The following THADA variants were observed in gnomAD, a reference collection of about 807,000 sequenced individuals.
The protein encoded by THADA is THADA armadillo repeat containing.
A neutral mutation model predicts 219.8 loss-of-function variants in THADA; 213 were observed. That is an observed-to-expected ratio of 0.97 (90% confidence interval 0.87 to 1.09). THADA has a LOEUF of 1.09. Among genes scored for constraint, THADA ranks in the 50% least tolerant of loss-of-function variants. The probability of loss-of-function intolerance (pLI) is 0.00; values close to 1 mark genes in which losing one functional copy is unlikely to be tolerated. For synonymous variants in THADA, 1,018 were observed against 828.9 expected (o/e 1.23, Z -3.92); for missense variants, 2,956 against 2,311.3 (o/e 1.28, Z -5.72).
chr2:43,495,736 T>C (rs567633762), intron 25 of THADA, among the ~76,000 whole-genome samples: 22 of 152,220 alleles, frequency 1.4e-4, no homozygotes, highest in Non-Finnish European at 2.8e-4. Flanking sequence ...TCTTGGTTCA[T>C]CTGGAACTAA....
chr2:43,567,601 T>A (rs886086172), intron 14 of THADA, among the ~76,000 whole-genome samples: 1 of 152,188 alleles, frequency 6.6e-6, no homozygotes, highest in Non-Finnish European at 1.5e-5. Context: ...CAGTCTGGCC[T>A]GGGCGAAAGA....
intron 22 of THADA, among the ~76,000 whole-genome samples, chr2:43,523,893 G>A (rs983346884): frequency 6.6e-6 from 1 of 152,018 alleles, no homozygotes; most frequent in Non-Finnish European, 1.5e-5. Context: ...TCCCCTTATA[G>A]TTAAGTTTGT....
chr2:43,526,660 CAG>C (rs1413204322), intron 22 of THADA, among the ~76,000 whole-genome samples: 3 of 152,190 alleles, frequency 2.0e-5, no homozygotes, highest in Non-Finnish European at 4.4e-5. Flanking sequence ...CATCCACACA[CAG>C]AGAGATGCTG....
At chr2:43,315,062 G>C (rs891101067) in intron 31 of THADA, among the ~76,000 whole-genome samples, 2 of 152,174 alleles carry the variant, frequency 1.3e-5, no homozygotes, top group African/African-American at 4.8e-5. Flanking sequence ...TCAGAGGTAG[G>C]AACAGCCTTC....
At chr2:43,581,395 G>C (rs1700424197) in intron 8 of THADA, among the ~76,000 whole-genome samples, 1 of 151,938 alleles carries the variant, frequency 6.6e-6, no homozygotes, top group Non-Finnish European at 1.5e-5. Context: ...GTCAGGTGTG[G>C]TGGTACCCTC....
At chr2:43,546,485 T>C (rs2103850095) in intron 20 of THADA, among the ~76,000 whole-genome samples, 1 of 152,280 alleles carries the variant, frequency 6.6e-6, no homozygotes, top group African/African-American at 2.4e-5. Context: ...AAGTCTCCCA[T>C]TATTATTGTG....
intron 22 of THADA, among the ~76,000 whole-genome samples, chr2:43,523,660 T>C (rs187931650): frequency 2.3e-4 from 35 of 152,330 alleles, no homozygotes; most frequent in Admixed American, 1.2e-3. Context: ...CACAGAATTG[T>C]TGATGTCTAT....
At chr2:43,545,176 T>C (rs1695859668) in intron 20 of THADA, among the ~76,000 whole-genome samples, 1 of 151,968 alleles carries the variant, frequency 6.6e-6, no homozygotes, top group Admixed American at 6.6e-5. Flanking sequence ...TGGATTACAT[T>C]TATTGATTTG....
chr2:43,248,744 C>G (rs1669518349), intron 36 of THADA, among the ~76,000 whole-genome samples: 1 of 152,188 alleles, frequency 6.6e-6, no homozygotes, highest in African/African-American at 2.4e-5. Context: ...GGACACAAAT[C>G]TCCTCCATAT....
intron 14 of THADA, 78 bp from the exon 15 acceptor site, chr2:43,566,899 A>C (rs1489684081): frequency 1.0e-6 from 1 of 991,338 alleles, no homozygotes; most frequent in East Asian, 3.0e-5. Flanking sequence ...ACACCCTTTA[A>C]GAGTGGGTGT....
At chr2:43,272,536 T>A (rs1213143311) in intron 36 of THADA, among the ~76,000 whole-genome samples, 1 of 151,958 alleles carries the variant, frequency 6.6e-6, no homozygotes, top group Non-Finnish European at 1.5e-5. Context: ...TCTCATCTCA[T>A]ACTTAAATAG....
intron 34 of THADA, among the ~76,000 whole-genome samples, chr2:43,288,103 AT>A (rs1674259983): frequency 1.3e-5 from 2 of 152,206 alleles, no homozygotes; most frequent in Non-Finnish European, 2.9e-5. Context: ...CACAGTATTT[AT>A]GTTTCTATTA....
chr2:43,429,713 C>T (rs965636646), intron 27 of THADA, among the ~76,000 whole-genome samples: 9 of 150,770 alleles, frequency 6.0e-5, no homozygotes, highest in African/African-American at 1.7e-4. Flanking sequence ...TCTGTACCAC[C>T]GAAAATGGAA....
intron 28 of THADA, among the ~76,000 whole-genome samples, chr2:43,423,544 T>C (rs1187118816): frequency 1.3e-5 from 2 of 152,014 alleles, no homozygotes; most frequent in Non-Finnish European, 2.9e-5. Context: ...ACCATTCTCC[T>C]GCCTTAGCCT....
chr2:43,528,968 C>T (rs1331487667), intron 21 of THADA, among the ~76,000 whole-genome samples: 1 of 151,924 alleles, frequency 6.6e-6, no homozygotes, highest in Admixed American at 6.6e-5. Flanking sequence ...AAAAATAACC[C>T]GTATTACCTT....
intron 7 of THADA, among the ~76,000 whole-genome samples, chr2:43,585,946 A>T (rs1197519829): frequency 1.3e-5 from 2 of 152,052 alleles, no homozygotes; most frequent in Non-Finnish European, 2.9e-5. Context: ...TCTAAAAAAA[A>T]TTTTAAATAA....
At chr2:43,420,282 C>T (rs1327150195) in intron 28 of THADA, among the ~76,000 whole-genome samples, 1 of 152,220 alleles carries the variant, frequency 6.6e-6, no homozygotes, top group East Asian at 1.9e-4. Flanking sequence ...TACACGGTAT[C>T]AGGTTCACAA....
intron 29 of THADA, among the ~76,000 whole-genome samples, chr2:43,359,473 A>G (rs964495765): frequency 3.3e-5 from 5 of 152,218 alleles, no homozygotes; most frequent in Non-Finnish European, 5.9e-5. Flanking sequence ...TGAGGTCAGG[A>G]GTTTGAGACC....
chr2:43,387,636 TA>T (rs1672854013), intron 29 of THADA, among the ~76,000 whole-genome samples: 1 of 152,104 alleles, frequency 6.6e-6, no homozygotes, highest in Admixed American at 6.5e-5. Flanking sequence ...GGTTCTCAAC[TA>T]GGGGCAATTT....
Sources: gnomAD v4.1 joint callset for allele counts (sites outside exome capture counted in the v4.1 genomes callset) on GRCh38, gnomAD v4.1.1 for gene constraint, MANE v1.5 for transcripts, NCBI Gene and HGNC (gene_info 2026-07-23, HGNC 2026-07-21) for gene names.